The following FOLH1 variants were observed in gnomAD, a reference collection of about 807,000 sequenced individuals.
The protein encoded by FOLH1 is glutamate carboxypeptidase 2.
FOLH1 carries 54 observed loss-of-function variants against 93.9 expected under a neutral mutation model. The ratio of observed to expected loss-of-function variants is 0.57; its 90% CI spans 0.46 to 0.72. The LOEUF (loss-of-function observed/expected upper bound fraction) is 0.72. FOLH1 is among the 30% of genes least tolerant of loss of function. FOLH1 has a pLI of 0.00. For missense variants in FOLH1, 571 were observed against 892.5 expected (o/e 0.64, Z 4.59); for synonymous variants, 249 against 303.6 (o/e 0.82, Z 1.87).
chr11:49,169,152 C>G (rs753020865), intron 12 of FOLH1, 43 bp downstream of exon 12: 5 of 1,595,538 alleles, frequency 3.1e-6, no homozygotes, highest in Non-Finnish European at 3.4e-6. Flanking sequence ...ACTGCTGCTC[C>G]TAGTTTAATC....
intron 14 of FOLH1, among the ~76,000 whole-genome samples, chr11:49,157,016 T>C (rs1356937073): frequency 2.0e-5 from 3 of 152,154 alleles, no homozygotes; most frequent in Non-Finnish European, 4.4e-5. Flanking sequence ...GAATGACTAT[T>C]TTATGTCACA....
intron 2 of FOLH1, among the ~76,000 whole-genome samples, chr11:49,205,568 T>A (rs1320024853): frequency 1.3e-5 from 2 of 152,238 alleles, no homozygotes; most frequent in Non-Finnish European, 2.9e-5. Flanking sequence ...AAATGCAATA[T>A]CTTTCTCTAA....
chr11:49,179,390 C>T (rs1860469913), intron 7 of FOLH1, among the ~76,000 whole-genome samples: 1 of 152,188 alleles, frequency 6.6e-6, no homozygotes, highest in Non-Finnish European at 1.5e-5. Context: ...TTTTATTACT[C>T]ATATACTTCT....
chr11:49,151,095 TGAA>T (rs1378246000), intron 17 of FOLH1, among the ~76,000 whole-genome samples: 6 of 152,034 alleles, frequency 3.9e-5, no homozygotes, highest in Non-Finnish European at 5.9e-5. Context: ...AGTTTTAGAG[TGAA>T]ATAGGAGATT....
At chr11:49,184,101 A>C (rs1861099776) in intron 6 of FOLH1, among the ~76,000 whole-genome samples, 1 of 152,188 alleles carries the variant, frequency 6.6e-6, no homozygotes, top group Admixed American at 6.6e-5. Flanking sequence ...TTTTAAAACA[A>C]TCTAATAAGA....
chr11:49,206,205 A>G (rs761194594), intron 1 of FOLH1, 33 bp from the exon 2 acceptor site: 1 of 1,609,880 alleles, frequency 6.2e-7, no homozygotes, highest in South Asian at 1.1e-5. Flanking sequence ...GGCATGAGAT[A>G]CGAGCCTATA....
At chr11:49,166,595 G>C (rs775397457) in intron 12 of FOLH1, among the ~76,000 whole-genome samples, 6 of 152,200 alleles carry the variant, frequency 3.9e-5, no homozygotes, top group Non-Finnish European at 8.8e-5. Context: ...CCTTTGGAGA[G>C]AGGACTAAGT....
In FOLH1 at chr11:49,181,333, A is replaced by T. The variant is rs150031473; in HGVS notation, c.920+1816T>A. On this transcript the variant is annotated intron_variant, in intron 7 of 18. Transcript: ENST00000256999. ...GACCATGTTGGCGAGGATGGTCCCC[A>T]TCTCTTGACCTCATGATCTGCTCGC... 9.9e-3 allele frequency among the ~76,000 whole-genome samples: 1,512 copies of T among 151,994 alleles called. 24 individuals carry two copies. The highest frequency in any genetic ancestry group is 0.034 in the African/African-American group (1,423 of 41,446).
chr11:49,185,070 A>G (rs1354168534), intron 6 of FOLH1, among the ~76,000 whole-genome samples: 2 of 152,188 alleles, frequency 1.3e-5, no homozygotes, highest in Non-Finnish European at 2.9e-5. Context: ...ACTCTTTGAA[A>G]GTTATCTCTG....
intron 13 of FOLH1, among the ~76,000 whole-genome samples, chr11:49,163,614 G>C (rs553977217): frequency 6.6e-6 from 1 of 151,768 alleles, no homozygotes; most frequent in Non-Finnish European, 1.5e-5. Context: ...TGGAAGTGGG[G>C]CCTGCAGACC....
chr11:49,200,431 G>T lies in FOLH1; in HGVS notation c.235C>A (p.Gln79Lys). The T allele has an allele frequency of 6.2e-7, 1 of 1,612,510 alleles. No homozygotes were observed. Among genetic ancestry groups the T allele is most frequent in the Non-Finnish European group, 8.5e-7 (1 of 1,179,474 alleles). The change falls in exon 3 of 19, where the codon CAG becomes AAG. Residue 79 changes from glutamine to lysine, a missense_variant. Coordinates refer to ENST00000256999, the MANE Select transcript of FOLH1 (RefSeq NM_004476.3). ...TCTGTTCCTGCTAAATGTGGTATCT[G>T]TGTAAAATTACTGGTGAACAAAAAT... ...NIKKFLYNFT[Q>K]IPHLAGTEQN...
intron 4 of FOLH1, among the ~76,000 whole-genome samples, chr11:49,189,897 G>A (rs1861835815): frequency 6.6e-6 from 1 of 152,192 alleles, no homozygotes; most frequent in South Asian, 2.1e-4. Context: ...TAAATAAAAT[G>A]AGGAAAGTCT....
intron 6 of FOLH1, among the ~76,000 whole-genome samples, chr11:49,185,204 G>T (rs1861225704): frequency 1.3e-5 from 2 of 152,052 alleles, no homozygotes; most frequent in South Asian, 4.1e-4. Flanking sequence ...TGTAAATCTG[G>T]GGGGAATTTA....
intron 12 of FOLH1, among the ~76,000 whole-genome samples, chr11:49,168,601 T>C (rs1858756635): frequency 6.6e-6 from 1 of 152,154 alleles, no homozygotes; most frequent in South Asian, 2.1e-4. Context: ...TGATTTAGTA[T>C]ATTATCTATA....
chr11:49,190,231 A>C (rs1013230023), intron 4 of FOLH1, among the ~76,000 whole-genome samples: 1 of 152,202 alleles, frequency 6.6e-6, no homozygotes, highest in East Asian at 1.9e-4. Context: ...CAATCCTCAC[A>C]AAACAAACTG....
chr11:49,202,164 C>T (rs1422484441), intron 2 of FOLH1, among the ~76,000 whole-genome samples: 1 of 152,182 alleles, frequency 6.6e-6, no homozygotes, highest in African/African-American at 2.4e-5. Context: ...ATCACTGTCT[C>T]ACTACTTCAC....
intron 12 of FOLH1, among the ~76,000 whole-genome samples, chr11:49,165,201 C>G (rs1053369183): frequency 6.6e-6 from 1 of 152,128 alleles, no homozygotes; most frequent in African/African-American, 2.4e-5. Flanking sequence ...AACCTTGGCT[C>G]TTGTTTCTCT....
intron 17 of FOLH1, among the ~76,000 whole-genome samples, chr11:49,149,122 G>A (rs868172829): frequency 6.6e-6 from 1 of 152,002 alleles, no homozygotes; most frequent in Non-Finnish European, 1.5e-5. Flanking sequence ...GGGGTGGGGT[G>A]AGGGGGGAAG....
At chr11:49,203,543 T>A (rs1863506897) in intron 2 of FOLH1, among the ~76,000 whole-genome samples, 1 of 152,234 alleles carries the variant, frequency 6.6e-6, no homozygotes, top group East Asian at 1.9e-4. Flanking sequence ...AAATTGAAAA[T>A]CTGGAGAGTT....
Sources: allele counts gnomAD v4.1 joint callset (sites outside exome capture counted in the v4.1 genomes callset), GRCh38; gene constraint gnomAD v4.1.1; transcripts MANE v1.5; gene names NCBI Gene and HGNC (gene_info 2026-07-23, HGNC 2026-07-21).